Variants in PDGFC observed in about 807,000 individuals in gnomAD.
PDGFC encodes the protein platelet derived growth factor C, also known as platelet-derived growth factor C.
Under a neutral mutation model 35.5 loss-of-function variants are expected in PDGFC, and 12 were observed. The observed-to-expected ratio is 0.34, with a 90% CI of 0.22 to 0.55. The LOEUF is 0.55. Among genes scored for constraint, PDGFC ranks in the 20% least tolerant of loss-of-function variants. PDGFC has a pLI of 0.91. For synonymous variants in PDGFC, 159 were observed against 148.8 expected, an observed-to-expected ratio of 1.07 and a Z score of -0.50; for missense variants, 322 against 412.4, an observed-to-expected ratio of 0.78 and a Z score of 1.90.
chr4:156,772,982 C>G, intron 3 of PDGFC, 89 bp from the exon 4 acceptor site: 1 of 842,290 alleles, frequency 1.2e-6, no homozygotes, highest in Non-Finnish European at 2.0e-6. Context: ...AAGACTGAGG[C>G]TGGAAATATG....
intron 3 of PDGFC, among the ~76,000 whole-genome samples, chr4:156,806,312 G>A (rs573495357): frequency 1.3e-5 from 2 of 151,976 alleles, no homozygotes; most frequent in South Asian, 4.2e-4. Flanking sequence ...CAATTTGTAT[G>A]GTGGCTATAA....
chr4:156,796,489 G>GCATTTT (rs1731444357), intron 3 of PDGFC, among the ~76,000 whole-genome samples: 1 of 91,026 alleles, frequency 1.1e-5, no homozygotes, highest in African/African-American at 4.2e-5. Context: ...GGACCACTTT[G>GCATTTT]TATTTTTTTT....
intron 1 of PDGFC, among the ~76,000 whole-genome samples, chr4:156,926,623 G>A (rs539205590): frequency 6.6e-6 from 1 of 152,302 alleles, no homozygotes; most frequent in Non-Finnish European, 1.5e-5. Context: ...GCTCCAAAAT[G>A]ATCTCCTTTG....
At chr4:156,802,531 G>T (rs1208273418) in intron 3 of PDGFC, among the ~76,000 whole-genome samples, 3 of 149,410 alleles carry the variant, frequency 2.0e-5, no homozygotes, top group African/African-American at 7.5e-5. Flanking sequence ...TATGGAGAAG[G>T]TAGAGTAGAA....
intron 1 of PDGFC, among the ~76,000 whole-genome samples, chr4:156,906,132 A>T (rs1730910380): frequency 6.6e-6 from 1 of 152,156 alleles, no homozygotes; most frequent in African/African-American, 2.4e-5. Context: ...GTTATCAGAA[A>T]TTTTCAAAAC....
Position 156,844,191 on chromosome 4 carries a change from G to C in PDGFC, c.314+6030C>G, listed in dbSNP as rs78254304. Among the ~76,000 whole-genome samples the C allele has an allele frequency of 4.5e-3, 682 of 152,268 alleles. 3 individuals are homozygous for C. Among genetic ancestry groups the C allele is most frequent in the Non-Finnish European group, 6.0e-3 (406 of 68,006 alleles). ...CTCTGTTTTCTCAACATAGTGTCAT[G>C]GTGTCTTAGAAGCTAGCATTTAGTT... On this transcript the variant is annotated intron_variant, in intron 2 of 5. Coordinates refer to ENST00000502773, the MANE Select transcript of PDGFC (RefSeq NM_016205.3).
At chr4:156,778,590 T>C (rs913676930) in intron 3 of PDGFC, among the ~76,000 whole-genome samples, 1 of 152,144 alleles carries the variant, frequency 6.6e-6, no homozygotes, top group Non-Finnish European at 1.5e-5. Flanking sequence ...TTCCCCTTTT[T>C]TAGAAAAAAG....
intron 1 of PDGFC, among the ~76,000 whole-genome samples, chr4:156,891,856 C>T (rs1730520191): frequency 6.6e-6 from 1 of 152,112 alleles, no homozygotes; most frequent in South Asian, 2.1e-4. Flanking sequence ...AGTGATCATT[C>T]CCCCTAAAAA....
chr4:156,881,483 C>A (rs1399262216), intron 1 of PDGFC, among the ~76,000 whole-genome samples: 1 of 152,004 alleles, frequency 6.6e-6, no homozygotes, highest in Non-Finnish European at 1.5e-5. Context: ...GTGGGAGGGA[C>A]CCAGCGGGAG....
intron 1 of PDGFC, among the ~76,000 whole-genome samples, chr4:156,867,109 T>C (rs559722306): frequency 2.0e-5 from 3 of 152,382 alleles, no homozygotes; most frequent in South Asian, 2.1e-4. Context: ...GGTTATACTA[T>C]AATTTTTTTA....
At chr4:156,967,096 C>T (rs918915366) in intron 1 of PDGFC, among the ~76,000 whole-genome samples, 1 of 146,250 alleles carries the variant, frequency 6.8e-6, no homozygotes, top group African/African-American at 2.5e-5. Flanking sequence ...CGCAATAAAA[C>T]TTACAGGGAA....
intron 4 of PDGFC, among the ~76,000 whole-genome samples, chr4:156,771,258 G>T (rs1730684998): frequency 6.6e-6 from 1 of 152,068 alleles, no homozygotes; most frequent in Non-Finnish European, 1.5e-5. Context: ...AGGTTTTTAG[G>T]CTCAAATCCA....
intron 1 of PDGFC, among the ~76,000 whole-genome samples, chr4:156,937,310 T>C (rs1274644699): frequency 6.6e-6 from 1 of 152,190 alleles, no homozygotes; most frequent in Non-Finnish European, 1.5e-5. Context: ...AAAATCTTGT[T>C]ATCTTTCCAC....
intron 1 of PDGFC, among the ~76,000 whole-genome samples, chr4:156,875,164 C>T (rs1730082995): frequency 2.6e-5 from 4 of 152,130 alleles, no homozygotes. Context: ...GAGATGGCAG[C>T]TGTTAAGCCT....
At chr4:156,871,949 T>C (rs1280557516) in intron 1 of PDGFC, among the ~76,000 whole-genome samples, 1 of 150,594 alleles carries the variant, frequency 6.6e-6, no homozygotes, top group Non-Finnish European at 1.5e-5. Flanking sequence ...TCTCAAATAG[T>C]TTTCCTAATA....
At chr4:156,942,389 G>A (rs993321862) in intron 1 of PDGFC, among the ~76,000 whole-genome samples, 6 of 151,926 alleles carry the variant, frequency 3.9e-5, no homozygotes, top group African/African-American at 1.5e-4. Context: ...AATTTAACAG[G>A]TGGCAGCTCT....
intron 1 of PDGFC, among the ~76,000 whole-genome samples, chr4:156,931,738 T>C (rs2110878144): frequency 6.6e-6 from 1 of 152,320 alleles, no homozygotes; most frequent in East Asian, 1.9e-4. Context: ...AGTGGAGATA[T>C]TTATTCAGAA....
intron 2 of PDGFC, among the ~76,000 whole-genome samples, chr4:156,834,230 G>T (rs960458973): frequency 3.3e-5 from 5 of 152,144 alleles, no homozygotes; most frequent in Admixed American, 3.3e-4. Context: ...TTTTAAAGAG[G>T]AGTGTCACAA....
intron 1 of PDGFC, among the ~76,000 whole-genome samples, chr4:156,899,247 G>A (rs1236164598): frequency 6.6e-6 from 1 of 152,176 alleles, no homozygotes; most frequent in African/African-American, 2.4e-5. Flanking sequence ...GTGTAGGATT[G>A]TATCAGGTAT....
Sources: allele counts gnomAD v4.1 joint callset (sites outside exome capture counted in the v4.1 genomes callset), GRCh38; gene constraint gnomAD v4.1.1; transcripts MANE v1.5; gene names NCBI Gene and HGNC (gene_info 2026-07-23, HGNC 2026-07-21).